MCTP2: variants seen among roughly 807,000 people sequenced by gnomAD.
MCTP2 encodes the protein multiple C2 and transmembrane domain-containing protein 2.
MCTP2 carries 132 observed loss-of-function variants against 111.6 expected under a neutral mutation model. That is an observed-to-expected ratio of 1.18 (90% CI 1.03 to 1.37). MCTP2 has a LOEUF of 1.37. MCTP2 is among the 40% of genes most tolerant of loss of function. The probability of loss-of-function intolerance (pLI) is 0.00; values close to 1 mark genes in which losing one functional copy is unlikely to be tolerated. For missense variants in MCTP2, 1,183 were observed against 1,067.9 expected (o/e 1.11, Z -1.50); for synonymous variants, 395 against 387.7 (o/e 1.02, Z -0.22).
At chr15:94,328,623 C>A (rs1337760103) in intron 4 of MCTP2, among the ~76,000 whole-genome samples, 1 of 152,206 alleles carries the variant, frequency 6.6e-6, no homozygotes, top group Admixed American at 6.5e-5. Context: ...AGTCCTATCA[C>A]ACCATCATTC....
At chr15:94,423,046 C>T (rs148666100) in intron 17 of MCTP2, among the ~76,000 whole-genome samples, 2 of 152,228 alleles carry the variant, frequency 1.3e-5, no homozygotes, top group African/African-American at 2.4e-5. Flanking sequence ...TTGAGCCTAA[C>T]GCAAAGTAGT....
chr15:94,345,716 T>C (rs1403587028), intron 8 of MCTP2, among the ~76,000 whole-genome samples: 2 of 152,240 alleles, frequency 1.3e-5, no homozygotes, highest in Non-Finnish European at 1.5e-5. Context: ...AAGAATGCAT[T>C]ATTAATTTAT....
At position 94,450,297 on chromosome 15, in the gene MCTP2, A is replaced by G. The variant is rs143937210; in HGVS notation, c.2250+7337A>G. On this transcript the variant is annotated intron_variant, in intron 19 of 22. Coordinates refer to ENST00000357742, the MANE Select transcript of MCTP2 (RefSeq NM_001385001.1). ...CTCCAGAAAGAGTACAGATCTCCCC[A>G]CTCCATTTTAATAGCACGAGCTGTG... Among the ~76,000 whole-genome samples, 19 of 152,222 alleles carry G rather than the reference A, an allele frequency of 1.2e-4. No individual in the cohort carries two copies. In the East Asian group the frequency reaches 3.3e-3, roughly 26 times the overall value.
rs1203872480 is a variant in MCTP2 at position 94,244,239 on chromosome 15, CGTGT to C, written c.-66+12576_-66+12579del. Among the ~76,000 whole-genome samples the C allele has an allele frequency of 6.3e-5, 7 of 111,980 alleles. 1 individual carries two copies. The highest frequency in any genetic ancestry group is 2.5e-4 in the African/African-American group (7 of 27,878). 73.5% of individuals were successfully genotyped at this position (111,980 alleles called of 152,430 possible). ...ACATATGTGTATATATTTATATACA[CGTGT>C]ATACACATATGTGTATATATTTATA... On this transcript the variant is annotated intron_variant, in intron 1 of 22. Transcript: ENST00000357742.
intron 17 of MCTP2, among the ~76,000 whole-genome samples, chr15:94,432,482 C>T (rs35713109): frequency 2.7e-3 from 416 of 152,196 alleles, no homozygotes; most frequent in Non-Finnish European, 3.8e-3. Flanking sequence ...AAGTTCTATT[C>T]TAAATAATGG....
intron 1 of MCTP2, among the ~76,000 whole-genome samples, chr15:94,257,775 C>T (rs527913878): frequency 9.9e-5 from 15 of 151,080 alleles, no homozygotes; most frequent in African/African-American, 3.6e-4. Context: ...TTAGTAGAGA[C>T]GGGGTTTTAC....
chr15:94,278,542 T>C (rs1182238078), intron 1 of MCTP2, among the ~76,000 whole-genome samples: 2 of 152,166 alleles, frequency 1.3e-5, no homozygotes, highest in South Asian at 4.1e-4. Context: ...TGATAATATA[T>C]TTATGACCTT....
chr15:94,433,472 T>C (rs1171646526), intron 17 of MCTP2, among the ~76,000 whole-genome samples: 1 of 152,194 alleles, frequency 6.6e-6, no homozygotes, highest in African/African-American at 2.4e-5. Context: ...GTGATTTTTC[T>C]GTTGTGTTTC....
At chr15:94,352,635 T>C (rs763506584) in intron 8 of MCTP2, among the ~76,000 whole-genome samples, 39 of 152,332 alleles carry the variant, frequency 2.6e-4, no homozygotes, top group Non-Finnish European at 4.3e-4. Context: ...CTGTGATGGG[T>C]CATTTCCTTC....
chr15:94,384,131 G>T lies in MCTP2; in HGVS notation c.1685+7G>T, dbSNP rs1418622901. 1 of 1,592,838 alleles carries T rather than the reference G, an allele frequency of 6.3e-7. No homozygotes were observed. Among genetic ancestry groups the T allele is most frequent in the Non-Finnish European group, 8.6e-7 (1 of 1,161,770 alleles). On this transcript the variant is annotated splice_region_variant and intron_variant, in intron 13 of 22. Coordinates refer to ENST00000357742, the MANE Select transcript of MCTP2 (RefSeq NM_001385001.1). ...GGAACAAAGTTTTTACATTGTAAGT[G>T]CTTTAGCCTCTGGAATTATTTCTGC...
At chr15:94,233,207 T>A (rs182666351) in intron 1 of MCTP2, among the ~76,000 whole-genome samples, 1 of 152,258 alleles carries the variant, frequency 6.6e-6, no homozygotes, top group Admixed American at 6.5e-5. Context: ...TTCATTGCAC[T>A]TGTGTGGTCA....
chr15:94,480,151 A>G lies in MCTP2; in HGVS notation c.*1117A>G, dbSNP rs1219172384. 6.6e-6 allele frequency: 1 copy of G among 152,176 alleles called. No individual in the cohort carries two copies. The highest frequency in any genetic ancestry group is 1.5e-5 in the Non-Finnish European group (1 of 68,040). The allele number at this position is 152,176 out of a possible 1,614,324, so 9.4% of individuals were successfully genotyped here. A position where few individuals can be genotyped will look rare whatever the true frequency, so the allele number is the denominator to read the frequency against. Reference sequence around the variant, plus strand: ...TTCCACAGTATTTCCCTGCCATGTAAAAATCCTGACTTTGTGCGTATATAA... The same window carrying G: ...TTCCACAGTATTTCCCTGCCATGTAGAAATCCTGACTTTGTGCGTATATAA... On this transcript the variant is annotated 3_prime_UTR_variant, in exon 23 of 23. Coordinates refer to ENST00000357742, the MANE Select transcript of MCTP2 (RefSeq NM_001385001.1).
intron 8 of MCTP2, among the ~76,000 whole-genome samples, chr15:94,354,305 C>T (rs886989523): frequency 1.2e-4 from 18 of 152,118 alleles, no homozygotes; most frequent in African/African-American, 4.3e-4. Flanking sequence ...GACTTTGTGT[C>T]CCCACCCAAA....
chr15:94,238,826 G>T (rs1403334570), intron 1 of MCTP2, among the ~76,000 whole-genome samples: 2 of 152,116 alleles, frequency 1.3e-5, no homozygotes, highest in Non-Finnish European at 2.9e-5. Context: ...TTGAGGAACT[G>T]AAAGCCTAGG....
chr15:94,361,785 A>G, intron 10 of MCTP2, among the ~76,000 whole-genome samples: 1 of 152,188 alleles, frequency 6.6e-6, no homozygotes, highest in East Asian at 1.9e-4. Context: ...AGGGGCATCC[A>G]TTGATGGAAG....
chr15:94,386,607 C>T (rs2080493504), intron 14 of MCTP2, among the ~76,000 whole-genome samples: 1 of 152,154 alleles, frequency 6.6e-6, no homozygotes, highest in South Asian at 2.1e-4. Flanking sequence ...CCGAGCAGCT[C>T]TCAGAGAGGA....
At chr15:94,237,374 G>C (rs900362492) in intron 1 of MCTP2, among the ~76,000 whole-genome samples, 1 of 151,998 alleles carries the variant, frequency 6.6e-6, no homozygotes. Flanking sequence ...GAGGTGGAAG[G>C]ACGTCCTCAA....
chr15:94,274,445 C>G (rs1393622583), intron 1 of MCTP2, among the ~76,000 whole-genome samples: 1 of 151,850 alleles, frequency 6.6e-6, no homozygotes. Context: ...ATAAAATCAA[C>G]AGAGGAAAAA....
At chr15:94,466,433 A>G (rs1345949) in intron 20 of MCTP2, among the ~76,000 whole-genome samples, 42,013 of 151,882 alleles carry the variant, frequency 0.28, 6,088 homozygotes, top group Middle Eastern at 0.38. Context: ...CCTTTCTTAA[A>G]TTTTTTTGCT....
Sources: allele counts gnomAD v4.1 joint callset (sites outside exome capture counted in the v4.1 genomes callset), GRCh38; gene constraint gnomAD v4.1.1; transcripts MANE v1.5; gene names NCBI Gene and HGNC (gene_info 2026-07-23, HGNC 2026-07-21).